TJP1: variants seen among roughly 807,000 people sequenced by gnomAD.
TJP1 encodes the protein tight junction protein ZO-1.
A neutral mutation model predicts 194.2 loss-of-function variants in TJP1; 43 were observed. The observed-to-expected ratio is 0.22, with a 90% CI of 0.17 to 0.29. TJP1 has a LOEUF of 0.29. Among genes scored for constraint, TJP1 ranks in the 10% least tolerant of loss-of-function variants. The pLI is 1.00. For synonymous variants in TJP1, 801 were observed against 779.0 expected, an observed-to-expected ratio of 1.03 and a Z score of -0.47; for missense variants, 1,971 against 2,185.7, an observed-to-expected ratio of 0.90 and a Z score of 1.96.
chr15:29,964,225 G>C (rs991237715), intron 1 of TJP1, among the ~76,000 whole-genome samples: 2 of 152,160 alleles, frequency 1.3e-5, no homozygotes, highest in African/African-American at 2.4e-5. Context: ...ATAAGAGACA[G>C]AGGAATAAGG....
At chr15:29,873,499 G>A (rs1448239993) in intron 2 of TJP1, among the ~76,000 whole-genome samples, 1 of 152,208 alleles carries the variant, frequency 6.6e-6, no homozygotes, top group Non-Finnish European at 1.5e-5. Context: ...AGAGCAAACT[G>A]TTTCTTGTGA....
At chr15:29,706,381 C>G (rs527590435) in intron 25 of TJP1, among the ~76,000 whole-genome samples, 2 of 152,132 alleles carry the variant, frequency 1.3e-5, no homozygotes, top group African/African-American at 2.4e-5. Context: ...CTTGAACACC[C>G]AACTACAGGT....
Position 29,718,420 on chromosome 15 carries a change from G to C in TJP1, c.3722C>G (p.Thr1241Ser). ...AGTTGGGGGTGGAGGCAGTGGTTTG[G>C]TGTTTGAAGGCAGAGCTTCTGGCTT... Reference protein sequence around the residue: ...QHKPEALPSNTKPLPPPPTQT... With the variant: ...QHKPEALPSNSKPLPPPPTQT... Residue 1241 changes from threonine (T) to serine (S), a missense_variant, in exon 21 of 28, where the codon ACC becomes AGC. Physicochemically the swap from Thr to Ser is moderately conservative, Grantham distance 58. Coordinates refer to ENST00000614355, the MANE Select transcript of TJP1 (RefSeq NM_001330239.4). 1 of 1,614,178 alleles carries C rather than the reference G, an allele frequency of 6.2e-7. No homozygotes were observed. Among genetic ancestry groups the C allele is most frequent in the East Asian group, 2.2e-5 (1 of 44,878 alleles).
chr15:29,782,894 CAAA>C (rs34832565), intron 2 of TJP1, among the ~76,000 whole-genome samples: 7 of 80,708 alleles, frequency 8.7e-5, no homozygotes, highest in African/African-American at 1.8e-4. Flanking sequence ...AGACACTTTT[CAAA>C]AAAAAAAAAA....
At chr15:29,762,540 C>G (rs2046073707) in intron 5 of TJP1, 102 bp from the exon 6 acceptor site, 2 of 717,900 alleles carry the variant, frequency 2.8e-6, no homozygotes, top group Non-Finnish European at 4.5e-6. Context: ...ATAGAGTTTT[C>G]AAGTACAATC....
intron 2 of TJP1, among the ~76,000 whole-genome samples, chr15:29,846,695 G>A (rs2051423357): frequency 6.6e-6 from 1 of 152,102 alleles, no homozygotes; most frequent in Non-Finnish European, 1.5e-5. Context: ...GGAGGCCGAG[G>A]CGGGCGGATC....
At chr15:29,919,962 A>G (rs2054304620) in intron 2 of TJP1, among the ~76,000 whole-genome samples, 1 of 152,214 alleles carries the variant, frequency 6.6e-6, no homozygotes, top group Non-Finnish European at 1.5e-5. Flanking sequence ...AAAGGATGCA[A>G]GTGGTTGAGT....
chr15:29,938,567 C>T (rs968037378), intron 2 of TJP1, among the ~76,000 whole-genome samples: 4 of 152,182 alleles, frequency 2.6e-5, no homozygotes, highest in African/African-American at 9.6e-5. Context: ...TAAAACAGAG[C>T]ACTATGTCAT....
intron 8 of TJP1, among the ~76,000 whole-genome samples, chr15:29,753,562 T>A (rs1208570738): frequency 3.3e-5 from 5 of 149,990 alleles, no homozygotes; most frequent in Admixed American, 6.6e-5. Context: ...GTGACATTAG[T>A]AAGTATTTGG....
intron 2 of TJP1, among the ~76,000 whole-genome samples, chr15:29,879,151 A>C (rs1034784844): frequency 6.6e-6 from 1 of 152,096 alleles, no homozygotes; most frequent in Non-Finnish European, 1.5e-5. Flanking sequence ...AAAATAAAAA[A>C]AATTAACTCC....
chr15:29,719,001 C>G lies in TJP1; in HGVS notation c.3141G>C (p.Glu1047Asp). Reference sequence around the variant, plus strand: ...GCTCGAGGTCTCTGCTGGCTTGTTTCTCTACGTATGGGAGTTGGGGTTCAT... The same window carrying G: ...GCTCGAGGTCTCTGCTGGCTTGTTTGTCTACGTATGGGAGTTGGGGTTCAT... ...LTYEPQLPYV[E>D]KQASRDLEQP... Residue 1047 changes from glutamate to aspartate, a missense_variant, in exon 21 of 28, where the codon GAG (glutamate) becomes GAC (aspartate). By Grantham distance (45) the Glu-to-Asp change is conservative. Coordinates refer to ENST00000614355, the MANE Select transcript of TJP1 (RefSeq NM_001330239.4). 1 of 1,614,130 alleles carries G rather than the reference C, an allele frequency of 6.2e-7. No individual in the cohort carries two copies. The highest frequency in any genetic ancestry group is 8.5e-7 in the Non-Finnish European group (1 of 1,180,032).
At chr15:29,726,578 T>C in intron 17 of TJP1, 99 bp from the exon 18 acceptor site, 4 of 1,282,450 alleles carry the variant, frequency 3.1e-6, no homozygotes, top group Non-Finnish European at 4.4e-6. Context: ...TACTGAAAGA[T>C]GGTATCTGAG....
chr15:29,711,541 C>G (rs1595574587), intron 23 of TJP1, among the ~76,000 whole-genome samples: 1 of 152,066 alleles, frequency 6.6e-6, no homozygotes, highest in African/African-American at 2.4e-5. Flanking sequence ...AATTTTTGTA[C>G]TTTTAGTAGA....
At chr15:29,717,853 T>G (rs1271738017) in intron 22 of TJP1, among the ~76,000 whole-genome samples, 168 bp downstream of exon 22, 1 of 152,146 alleles carries the variant, frequency 6.6e-6, no homozygotes. Context: ...AGTTCTACTT[T>G]TTTTCCCCCT....
rs1223367337 is a variant in TJP1, at chr15:29,708,761, G to A, written c.4648C>T (p.His1550Tyr). Residue 1550 changes from histidine (H) to tyrosine (Y), a missense_variant, in exon 25 of 28, where the codon CAC (histidine) becomes TAC (tyrosine). Physicochemically the swap from His to Tyr is moderately conservative, Grantham distance 83. Around this residue, in one of 5 missense-constraint regions of TJP1, gnomAD observed 1,108 missense variants for 1,128.5 expected, o/e 0.98. Coordinates refer to ENST00000614355, the MANE Select transcript of TJP1 (RefSeq NM_001330239.4). The part of the protein sequence containing the change: ...ERKFESPKFN[H>Y]NLLPSETAHK... ...GCAGTTTCACTTGGCAGAAGATTGT[G>A]ATTGAATTTAGGACTTTCAAACTTG... is the stretch of plus-strand genomic sequence containing the variant. 4 of 1,614,234 alleles carry A rather than the reference G, an allele frequency of 2.5e-6. No homozygotes were observed. Among genetic ancestry groups the A allele is most frequent in the South Asian group, 2.2e-5 (2 of 91,088 alleles).
intron 23 of TJP1, among the ~76,000 whole-genome samples, chr15:29,715,003 A>G (rs1371377890): frequency 6.6e-6 from 1 of 152,230 alleles, no homozygotes; most frequent in African/African-American, 2.4e-5. Context: ...TGCCTTACCA[A>G]AGGTGAGCTC....
In TJP1 at chr15:29,750,165, C is replaced by A. The variant is rs2045161572; in HGVS notation, c.1011-7384G>T. Among the ~76,000 whole-genome samples the A allele has an allele frequency of 1.3e-5, 2 of 152,124 alleles. 1 individual carries two copies. The highest frequency in any genetic ancestry group is 4.2e-4 in the South Asian group (2 of 4,818). On this transcript the variant is annotated intron_variant, in intron 8 of 27. Transcript: ENST00000614355. ...TGGACTACAGGCACGTGCCACCACGCCCAGCTAATTTTTTGTATTTTTAGT... is the reference window on the plus strand; with the variant it reads ...TGGACTACAGGCACGTGCCACCACGACCAGCTAATTTTTTGTATTTTTAGT...
intron 2 of TJP1, among the ~76,000 whole-genome samples, chr15:29,776,802 G>A (rs2047042813): frequency 6.6e-6 from 1 of 152,106 alleles, no homozygotes; most frequent in Admixed American, 6.6e-5. Flanking sequence ...TTTAAGTACT[G>A]AAAAGCTACT....
At position 29,713,229 on chromosome 15, in the gene TJP1, C is replaced by G. The variant is rs115743546; in HGVS notation, c.4203-2229G>C. Among the ~76,000 whole-genome samples, 1,264 of 152,304 alleles carry G rather than the reference C, an allele frequency of 8.3e-3. 20 individuals are homozygous for G. Among genetic ancestry groups the G allele is most frequent in the African/African-American group, 0.028 (1,180 of 41,554 alleles). On this transcript the variant is annotated intron_variant, in intron 23 of 27. Coordinates refer to ENST00000614355, the MANE Select transcript of TJP1 (RefSeq NM_001330239.4). ...TTGATAACAAAAAATCCCTGGTTGT[C>G]CTGAAGAAGTTGACTCAATCTCTGG...
Sources: allele counts gnomAD v4.1 joint callset (sites outside exome capture counted in the v4.1 genomes callset), GRCh38; gene constraint gnomAD v4.1.1; regional missense constraint gnomAD v4.1.1; transcripts MANE v1.5; gene names NCBI Gene and HGNC (gene_info 2026-07-23, HGNC 2026-07-21).